RBFOX1: variants seen among roughly 807,000 people sequenced by gnomAD.
The protein encoded by RBFOX1 is RNA binding protein fox-1 homolog 1.
RBFOX1 carries 8 observed loss-of-function variants against 57.7 expected under a neutral mutation model. The observed-to-expected ratio is 0.14, with a 90% CI of 0.08 to 0.25. The LOEUF is 0.25. Among genes scored for constraint, RBFOX1 ranks in the 10% least tolerant of loss-of-function variants. The pLI is 1.00. For missense variants in RBFOX1, 611 were observed against 548.5 expected (o/e 1.11, Z -1.14); for synonymous variants, 326 against 222.4 (o/e 1.47, Z -4.15).
intron 3 of RBFOX1, among the ~76,000 whole-genome samples, chr16:6,911,693 T>A (rs2071648387): frequency 6.6e-6 from 1 of 152,206 alleles, no homozygotes; most frequent in South Asian, 2.1e-4. Context: ...AGACAGGCAA[T>A]TCTTTTTACC....
intron 2 of RBFOX1, among the ~76,000 whole-genome samples, chr16:6,470,044 TTAAG>T (rs1490799530): frequency 6.6e-6 from 1 of 152,234 alleles, no homozygotes; most frequent in African/African-American, 2.4e-5. Flanking sequence ...CAAACAGTCA[TTAAG>T]TATCTACTTT....
chr16:6,820,273 G>A (rs556668573), intron 3 of RBFOX1, among the ~76,000 whole-genome samples: 1 of 152,102 alleles, frequency 6.6e-6, no homozygotes, highest in Non-Finnish European at 1.5e-5. Context: ...CCAGTCTCAG[G>A]TATTTCTTCA....
intron 4 of RBFOX1, among the ~76,000 whole-genome samples, chr16:7,477,613 AC>A (rs1302354388): frequency 2.0e-5 from 3 of 151,952 alleles, no homozygotes; most frequent in Non-Finnish European, 4.4e-5. Context: ...TGTTCCTGGG[AC>A]CCCCAAGCTG....
intron 3 of RBFOX1, among the ~76,000 whole-genome samples, chr16:6,864,474 A>G (rs1025355453): frequency 2.6e-5 from 4 of 152,108 alleles, no homozygotes; most frequent in Non-Finnish European, 5.9e-5. Context: ...AGTATAAATG[A>G]CATAATCTCA....
chr16:6,412,603 T>A (rs955291339), intron 2 of RBFOX1, among the ~76,000 whole-genome samples: 1 of 152,230 alleles, frequency 6.6e-6, no homozygotes, highest in African/African-American at 2.4e-5. Context: ...ACATTTTACA[T>A]TGAGGCAGCA....
At chr16:5,888,563 A>G (rs2057957524) in intron 4 of RBFOX1, among the ~76,000 whole-genome samples, 1 of 152,016 alleles carries the variant, frequency 6.6e-6, no homozygotes, top group Non-Finnish European at 1.5e-5. Flanking sequence ...TGGGAGACTG[A>G]GTTGGGCAGA....
Position 7,307,959 on chromosome 16 carries a change from A to G in RBFOX1, c.28-210188A>G, listed in dbSNP as rs1216584313. The stretch of plus-strand genomic sequence containing the variant: ...TGAACTTAGAACTCACATATCCCCA[A>G]TACTTAATCTTCCACGTTCCAAAGT... On this transcript the variant is annotated intron_variant, in intron 4 of 15. Coordinates refer to ENST00000550418, the MANE Select transcript of RBFOX1 (RefSeq NM_018723.4). 2.6e-5 allele frequency among the ~76,000 whole-genome samples: 4 copies of G among 152,174 alleles called. No individual in the cohort carries two copies. The South Asian group carries it at 6.2e-4, about 24-fold the overall frequency.
chr16:7,661,128 A>G (rs969654628), intron 12 of RBFOX1, among the ~76,000 whole-genome samples: 1 of 152,152 alleles, frequency 6.6e-6, no homozygotes, highest in Admixed American at 6.6e-5. Flanking sequence ...TGTTTTGGTA[A>G]AATTGGCTTC....
chr16:7,026,082 G>C (rs1346504686), intron 3 of RBFOX1, among the ~76,000 whole-genome samples: 2 of 152,170 alleles, frequency 1.3e-5, no homozygotes, highest in African/African-American at 4.8e-5. Flanking sequence ...AGGCTGGGGT[G>C]CTTGCTATGT....
intron 7 of RBFOX1, among the ~76,000 whole-genome samples, chr16:7,593,333 A>T (rs2094536770): frequency 6.6e-6 from 1 of 152,204 alleles, no homozygotes; most frequent in South Asian, 2.1e-4. Context: ...GCCAAGAGTT[A>T]GAACTGTCAA....
intron 4 of RBFOX1, among the ~76,000 whole-genome samples, chr16:7,330,547 G>GAA (rs1292663077): frequency 6.7e-6 from 1 of 149,838 alleles, no homozygotes; most frequent in Non-Finnish European, 1.5e-5. Context: ...GAGAGAGAGA[G>GAA]AAAGTTACAT....
At chr16:5,985,882 G>T (rs145291223) in intron 4 of RBFOX1, among the ~76,000 whole-genome samples, 3 of 152,218 alleles carry the variant, frequency 2.0e-5, no homozygotes, top group African/African-American at 7.2e-5. Context: ...TCACACTTAC[G>T]TTTGAGAAGA....
chr16:7,326,615 T>A (rs2143741080), intron 4 of RBFOX1, among the ~76,000 whole-genome samples: 1 of 152,258 alleles, frequency 6.6e-6, no homozygotes, highest in South Asian at 2.1e-4. Context: ...CTTCAGCATG[T>A]CATTTCACTG....
At chr16:6,237,717 G>A (rs1020357799) in intron 1 of RBFOX1, among the ~76,000 whole-genome samples, 1 of 151,664 alleles carries the variant, frequency 6.6e-6, no homozygotes, top group Non-Finnish European at 1.5e-5. Flanking sequence ...CTCCAGCCTG[G>A]GCGACAGAGT....
At chr16:6,934,057 G>A (rs2076984670) in intron 3 of RBFOX1, among the ~76,000 whole-genome samples, 3 of 152,196 alleles carry the variant, frequency 2.0e-5, no homozygotes, top group Admixed American at 1.3e-4. Context: ...TGTCCGAGAG[G>A]CCTTGAGGGT....
chr16:5,561,757 G>T (rs1048163236), intron 2 of RBFOX1, among the ~76,000 whole-genome samples: 8 of 152,130 alleles, frequency 5.3e-5, no homozygotes, highest in Non-Finnish European at 7.3e-5. Flanking sequence ...TTCTTTTGGG[G>T]TGAGAGGGTC....
intron 3 of RBFOX1, among the ~76,000 whole-genome samples, chr16:7,017,569 C>T (rs970163017): frequency 3.9e-5 from 6 of 152,154 alleles, no homozygotes; most frequent in South Asian, 4.1e-4. Flanking sequence ...GTTTTATAGA[C>T]GACTGCAAAT....
chr16:6,107,833 G>A (rs897845437), intron 1 of RBFOX1, among the ~76,000 whole-genome samples: 39 of 152,044 alleles, frequency 2.6e-4, no homozygotes, highest in African/African-American at 8.7e-4. Context: ...CTTACTTTGA[G>A]CACTGAGAAG....
rs1325648464 is a variant in RBFOX1, at chr16:6,651,158, T to A, written c.-63-3445T>A. Among the ~76,000 whole-genome samples, 3 of 152,122 alleles carry A rather than the reference T, an allele frequency of 2.0e-5. No homozygotes were observed. In the East Asian group the frequency reaches 5.8e-4, roughly 29 times the overall value. ...CTCAGGTGATCCACCCGCCTCAGTC[T>A]CCCAGAGTGCTGGGATTGCAGGCGT... On this transcript the variant is annotated intron_variant, in intron 2 of 15. Transcript: ENST00000550418.
Sources: gnomAD v4.1 joint callset for allele counts (sites outside exome capture counted in the v4.1 genomes callset) on GRCh38, gnomAD v4.1.1 for gene constraint, MANE v1.5 for transcripts, NCBI Gene and HGNC (gene_info 2026-07-23, HGNC 2026-07-21) for gene names.